ACSL3: variants seen among roughly 807,000 people sequenced by gnomAD.
The protein encoded by ACSL3 is fatty acid CoA ligase Acsl3.
In ACSL3, 34 loss-of-function variants were observed where a neutral mutation model predicts 84.7. That is an observed-to-expected ratio of 0.40 (90% CI 0.31 to 0.53). ACSL3 has a LOEUF of 0.53. ACSL3 is among the 20% of genes least tolerant of loss of function. ACSL3 has a pLI of 0.48. For missense variants in ACSL3, 680 were observed against 873.1 expected (o/e 0.78, Z 2.79); for synonymous variants, 315 against 299.4 (o/e 1.05, Z -0.54).
Position 222,916,671 on chromosome 2 carries a change from A to G in ACSL3, c.556+175A>G, listed in dbSNP as rs1237476844. The stretch of plus-strand genomic sequence containing the variant: ...TTTTGGAAAATAAATCAATTATATG[A>G]CAAATTGTACCAATCAGTGTTGCAG... On this transcript the variant is annotated intron_variant, in intron 5 of 16. Transcript: ENST00000357430. 1.1e-5 allele frequency: 7 copies of G among 635,764 alleles called. No individual in the cohort carries two copies. The East Asian group carries it at 1.8e-4, about 16-fold the overall frequency. 39.4% of individuals were successfully genotyped at this position (635,764 alleles called of 1,614,324 possible).
At chr2:222,904,304 T>C (rs1411090969) in intron 3 of ACSL3, among the ~76,000 whole-genome samples, 1 of 151,758 alleles carries the variant, frequency 6.6e-6, no homozygotes, top group Non-Finnish European at 1.5e-5. Flanking sequence ...AAAAAACAAT[T>C]ATGGTCATTT....
chr2:222,874,736 T>G (rs1695402899), intron 1 of ACSL3, among the ~76,000 whole-genome samples: 1 of 152,058 alleles, frequency 6.6e-6, no homozygotes, highest in African/African-American at 2.4e-5. Flanking sequence ...AATCTAGACC[T>G]GATTTAAATA....
intron 2 of ACSL3, among the ~76,000 whole-genome samples, chr2:222,894,769 G>C (rs1335054843): frequency 6.6e-6 from 1 of 152,176 alleles, no homozygotes; most frequent in African/African-American, 2.4e-5. Flanking sequence ...AGGTATCATA[G>C]AAGTTCTTCT....
intron 1 of ACSL3, among the ~76,000 whole-genome samples, chr2:222,881,052 C>T (rs1695581352): frequency 6.6e-6 from 1 of 151,900 alleles, no homozygotes; most frequent in African/African-American, 2.4e-5. Flanking sequence ...CAGTGCTGTT[C>T]AGAAGACATG....
Position 222,909,055 on chromosome 2 carries a change from G to A in ACSL3, c.283G>A (p.Ala95Thr). ...TACTTTAGATAAAGTTTTTACATAT[G>A]CAAAAAACAAATTTAAGAACAAAAG... The part of the protein sequence containing the change: ...CDTLDKVFTY[A>T]KNKFKNKRLL... Residue 95 changes from alanine (A) to threonine (T), a missense_variant, in exon 4 of 17, where the codon GCA (alanine) becomes ACA (threonine). Physicochemically the swap from Ala to Thr is moderately conservative, Grantham distance 58. Transcript: ENST00000357430. 4 of 1,612,142 alleles carry A rather than the reference G, an allele frequency of 2.5e-6. No homozygotes were observed. Among genetic ancestry groups the A allele is most frequent in the Non-Finnish European group, 3.4e-6 (4 of 1,179,406 alleles).
chr2:222,871,752 C>A (rs1201213948), intron 1 of ACSL3, among the ~76,000 whole-genome samples: 1 of 151,988 alleles, frequency 6.6e-6, no homozygotes, highest in Non-Finnish European at 1.5e-5. Context: ...AGTTGGTGGC[C>A]AAGATGGAGT....
At position 222,943,159 on chromosome 2, in the gene ACSL3, G is replaced by A. The variant is rs1697370428; in HGVS notation, c.*1505G>A. ...TAAAGTAAGGGGAGTGTTAGGAGCAGCCAGGACTGTGTAGTGTGTGTTTGG... is the reference window on the plus strand; with the variant it reads ...TAAAGTAAGGGGAGTGTTAGGAGCAACCAGGACTGTGTAGTGTGTGTTTGG... On this transcript the variant is annotated 3_prime_UTR_variant, in exon 17 of 17. Coordinates refer to ENST00000357430, the MANE Select transcript of ACSL3 (RefSeq NM_004457.5). The A allele has an allele frequency of 4.4e-6, 1 of 226,224 alleles. No homozygotes were observed. Among genetic ancestry groups the A allele is most frequent in the Non-Finnish European group, 8.8e-6 (1 of 113,752 alleles). 14.0% of individuals were successfully genotyped at this position (226,224 alleles called of 1,614,324 possible).
chr2:222,922,645 A>G (rs541312035), intron 8 of ACSL3, 63 bp from the exon 9 acceptor site: 5 of 1,602,304 alleles, frequency 3.1e-6, no homozygotes, highest in South Asian at 1.1e-5. Flanking sequence ...TGCTCCCATT[A>G]TAGGGCACTT....
rs199954133 is a variant in ACSL3 at position 222,943,109 on chromosome 2, A to AC, written c.*1455_*1456insC. ...TCAAAAAAAAAAAAAACAAAAACAAAAAAAAAGATGAACCTAGGTCTGTGT... is the reference window on the plus strand; with the variant it reads ...TCAAAAAAAAAAAAAACAAAAACAAACAAAAAAGATGAACCTAGGTCTGTGT... On this transcript the variant is annotated 3_prime_UTR_variant, in exon 17 of 17. Coordinates refer to ENST00000357430, the MANE Select transcript of ACSL3 (RefSeq NM_004457.5). The AC allele has an allele frequency of 1.7e-4, 39 of 223,228 alleles. No individual in the cohort carries two copies. Among genetic ancestry groups the AC allele is most frequent in the African/African-American group, 4.5e-4 (20 of 44,042 alleles). 13.8% of individuals were successfully genotyped at this position (223,228 alleles called of 1,614,324 possible).
chr2:222,921,447 T>C lies in ACSL3; in HGVS notation c.956+17T>C, dbSNP rs1221097766. On this transcript the variant is annotated intron_variant, in intron 8 of 16. Transcript: ENST00000357430. ...AGAACTAGGGTATGTCATAGTAAAG[T>C]AACATTGAGTAGTTAAGTATTTATG... 3.2e-6 allele frequency: 5 copies of C among 1,562,492 alleles called. No homozygotes were observed. The highest frequency in any genetic ancestry group is 4.4e-6 in the Non-Finnish European group (5 of 1,141,924).
At chr2:222,862,390 C>G (rs1374037824) in intron 1 of ACSL3, among the ~76,000 whole-genome samples, 1 of 152,164 alleles carries the variant, frequency 6.6e-6, no homozygotes, top group Non-Finnish European at 1.5e-5. Context: ...TCCTTGGTGG[C>G]TGGCTGAATA....
At chr2:222,885,202 A>G (rs1695690949) in intron 1 of ACSL3, among the ~76,000 whole-genome samples, 1 of 152,212 alleles carries the variant, frequency 6.6e-6, no homozygotes, top group East Asian at 1.9e-4. Flanking sequence ...AAAGTAGGGT[A>G]AAGTAAGCAT....
chr2:222,926,269 AG>A lies in ACSL3; in HGVS notation c.1293-745del, dbSNP rs752426312. The stretch of plus-strand genomic sequence containing the variant: ...TGCAAATACTATGCCGTTTTATATA[AG>A]GGACTTAGGCATCTGAGGGTTTTGG... On this transcript the variant is annotated intron_variant, in intron 11 of 16. Coordinates refer to ENST00000357430, the MANE Select transcript of ACSL3 (RefSeq NM_004457.5). Among the ~76,000 whole-genome samples the A allele has an allele frequency of 5.3e-5, 8 of 152,340 alleles. No individual in the cohort carries two copies. In the East Asian group the frequency reaches 1.3e-3, roughly 26 times the overall value.
intron 1 of ACSL3, among the ~76,000 whole-genome samples, chr2:222,865,792 C>CCCTG (rs1491179147): frequency 5.3e-5 from 3 of 56,732 alleles, no homozygotes; most frequent in Non-Finnish European, 1.0e-4. Flanking sequence ...ATTTTGGATC[C>CCCTG]TCTGTGTGTG....
chr2:222,938,128 A>G (rs747908404), intron 16 of ACSL3, among the ~76,000 whole-genome samples: 14 of 152,184 alleles, frequency 9.2e-5, no homozygotes, highest in Non-Finnish European at 1.5e-4. Flanking sequence ...AGTCATTAAT[A>G]TAGATTCATA....
chr2:222,897,685 C>T (rs1304714695), intron 2 of ACSL3, among the ~76,000 whole-genome samples: 1 of 39,920 alleles, frequency 2.5e-5, no homozygotes, highest in Non-Finnish European at 4.0e-5. Flanking sequence ...CTCGGGAGGC[C>T]GAGGCTGGCG....
intron 1 of ACSL3, among the ~76,000 whole-genome samples, chr2:222,879,691 C>T (rs1234347397): frequency 1.6e-4 from 24 of 152,158 alleles, no homozygotes; most frequent in Admixed American, 1.6e-3. Flanking sequence ...TTGATACAGG[C>T]TTCACTGGTC....
chr2:222,904,001 G>A (rs1313639215), intron 3 of ACSL3, among the ~76,000 whole-genome samples: 5 of 152,108 alleles, frequency 3.3e-5, no homozygotes, highest in Non-Finnish European at 2.9e-5. Flanking sequence ...TCGGCTGGGC[G>A]CGGTGGCTCA....
chr2:222,936,954 C>T (rs935074044), intron 16 of ACSL3, among the ~76,000 whole-genome samples: 2 of 152,074 alleles, frequency 1.3e-5, no homozygotes, highest in African/African-American at 2.4e-5. Flanking sequence ...ATGGAGAAAC[C>T]GCACCCATGA....
Sources: gnomAD v4.1 joint callset for allele counts (sites outside exome capture counted in the v4.1 genomes callset) on GRCh38, gnomAD v4.1.1 for gene constraint, MANE v1.5 for transcripts, NCBI Gene and HGNC (gene_info 2026-07-23, HGNC 2026-07-21) for gene names.